Variants in TMEM87B observed in about 807,000 individuals in gnomAD.
TMEM87B encodes transmembrane protein 87B.
In TMEM87B, 83 loss-of-function variants were observed where a neutral mutation model predicts 80.3. That is an observed-to-expected ratio of 1.03 (90% CI 0.87 to 1.24). TMEM87B has a LOEUF of 1.24. Ranked by LOEUF, TMEM87B falls within the 50% of genes most tolerant of loss-of-function variation. TMEM87B has a pLI of 0.00. For synonymous variants in TMEM87B, 219 were observed against 230.5 expected (o/e 0.95, Z 0.45); for missense variants, 625 against 674.4 (o/e 0.93, Z 0.81).
intron 2 of TMEM87B, among the ~76,000 whole-genome samples, 178 bp downstream of exon 2, chr2:112,060,215 G>C (rs1678206026): frequency 1.3e-5 from 2 of 152,022 alleles, no homozygotes; most frequent in South Asian, 2.1e-4. Context: ...TGGGCATGGT[G>C]GTGGGCACCT....
In TMEM87B at chr2:112,116,725, C is replaced by G. The variant is rs1573735631; in HGVS notation, c.*582C>G. On this transcript the variant is annotated 3_prime_UTR_variant, in exon 19 of 19. Coordinates refer to ENST00000283206, the MANE Select transcript of TMEM87B (RefSeq NM_032824.3). ...ACCCACCCTTTTTAAAAAATCTATA[C>G]AAAGCCCTTGTTTGAGTCTCATCAT... The G allele has an allele frequency of 8.3e-6, 1 of 119,994 alleles. No individual in the cohort carries two copies. Among genetic ancestry groups the G allele is most frequent in the South Asian group, 2.9e-4 (1 of 3,508 alleles). 7.4% of individuals were successfully genotyped at this position (119,994 alleles called of 1,614,324 possible). A position where few individuals can be genotyped will look rare whatever the true frequency, so the allele number is the denominator to read the frequency against.
chr2:112,067,136 T>G, intron 4 of TMEM87B, 69 bp downstream of exon 4: 1 of 1,554,674 alleles, frequency 6.4e-7, no homozygotes, highest in South Asian at 1.2e-5. Context: ...ACTGAAGTAA[T>G]GTTTTATCGG....
chr2:112,113,461 G>A (rs1679976070), intron 18 of TMEM87B, among the ~76,000 whole-genome samples: 1 of 152,206 alleles, frequency 6.6e-6, no homozygotes, highest in Non-Finnish European at 1.5e-5. Flanking sequence ...TGGTAGCTAA[G>A]TTGTAACTTG....
At chr2:112,110,344 AT>A (rs1679878345) in intron 17 of TMEM87B, among the ~76,000 whole-genome samples, 1 of 151,858 alleles carries the variant, frequency 6.6e-6, no homozygotes, top group African/African-American at 2.4e-5. Context: ...ATTATGATTG[AT>A]TCTTTGAATT....
At chr2:112,069,198 C>CAAAA (rs1280554360) in intron 4 of TMEM87B, among the ~76,000 whole-genome samples, 59 of 62,222 alleles carry the variant, frequency 9.5e-4, no homozygotes, top group South Asian at 1.9e-3. Context: ...GACTCCGTCT[C>CAAAA]AAAAAAAAAA....
At chr2:112,073,901 A>C (rs1331527732) in intron 4 of TMEM87B, among the ~76,000 whole-genome samples, 1 of 152,156 alleles carries the variant, frequency 6.6e-6, no homozygotes, top group African/African-American at 2.4e-5. Context: ...TTTGTCTGAA[A>C]TTAGGCCTGC....
chr2:112,056,212 G>A (rs1573671806), intron 1 of TMEM87B, among the ~76,000 whole-genome samples: 1 of 151,958 alleles, frequency 6.6e-6, no homozygotes, highest in Admixed American at 6.6e-5. Context: ...TAGAAAGCGG[G>A]TCTGCCGCTT....
At chr2:112,074,162 A>G (rs1288957219) in intron 4 of TMEM87B, among the ~76,000 whole-genome samples, 1 of 152,092 alleles carries the variant, frequency 6.6e-6, no homozygotes, top group African/African-American at 2.4e-5. Flanking sequence ...GCTACTTCCT[A>G]GTGTCACTGG....
Position 112,097,068 on chromosome 2 carries a change from A to G in TMEM87B, c.1129A>G (p.Met377Val), listed in dbSNP as rs1558845990. Reference sequence around the variant, plus strand: ...CATTTTTATTAGTTTGGCACAAACTATGAAGACCCTAAGGCTAAGAAAGAA... The same window carrying G: ...CATTTTTATTAGTTTGGCACAAACTGTGAAGACCCTAAGGCTAAGAAAGAA... ...WFIFISLAQT[M>V]KTLRLRKNTV... The change falls in exon 12 of 19, where the codon ATG becomes GTG. Residue 377 changes from methionine (M) to valine (V), a missense_variant. By Grantham distance (21) the Met-to-Val change is conservative (BLOSUM62 1). Transcript: ENST00000283206. The G allele has an allele frequency of 3.1e-6, 5 of 1,600,262 alleles. No individual in the cohort carries two copies. The highest frequency in any genetic ancestry group is 4.5e-5 in the East Asian group (2 of 44,662).
chr2:112,107,908 C>T, intron 17 of TMEM87B, 68 bp downstream of exon 17: 2 of 1,113,278 alleles, frequency 1.8e-6, no homozygotes, highest in Non-Finnish European at 2.6e-6. Flanking sequence ...TCGTTCTCAT[C>T]CTTTGTCATG....
At chr2:112,075,138 G>T (rs1201456473) in intron 5 of TMEM87B, among the ~76,000 whole-genome samples, 176 bp downstream of exon 5, 2 of 152,196 alleles carry the variant, frequency 1.3e-5, no homozygotes, top group Non-Finnish European at 2.9e-5. Flanking sequence ...AGTGGCTCCT[G>T]CTTGCAATCC....
Position 112,060,001 on chromosome 2 carries a change from A to T in TMEM87B, c.190A>T (p.Lys64Ter). Residue 64 changes from lysine to a stop codon, truncating the protein, a stop_gained, in exon 2 of 19, where the codon AAA becomes TAA. Coordinates refer to ENST00000283206, the MANE Select transcript of TMEM87B (RefSeq NM_032824.3). LOFTEE classifies it high-confidence loss of function. Reference protein sequence around the residue: ...NDKSGPLIFRKTMFNSTDIKL... With the variant: ...NDKSGPLIFR ...GAAATCAGGACCTTTGATATTTAGGAAAACTATGTTTAACTCTACAGATAT... is the reference window on the plus strand; with the variant it reads ...GAAATCAGGACCTTTGATATTTAGGTAAACTATGTTTAACTCTACAGATAT... 1 of 1,594,252 alleles carries T rather than the reference A, an allele frequency of 6.3e-7. No individual in the cohort carries two copies. Among genetic ancestry groups the T allele is most frequent in the Non-Finnish European group, 8.6e-7 (1 of 1,167,140 alleles).
In TMEM87B at chr2:112,081,341, A is replaced by T. The variant is rs898030301; in HGVS notation, c.661A>T (p.Met221Leu). Residue 221 changes from methionine (M) to leucine (L), a missense_variant, in exon 8 of 19, where the codon ATG becomes TTG. Physicochemically the swap from Met to Leu is conservative, Grantham distance 15. Transcript: ENST00000283206. The stretch of plus-strand genomic sequence containing the variant: ...ATTGCTTCTCTTCCTACAGTTTTAC[A>T]TGGTGATGTGTATTGTTTATATATT... ...ASDWPLMIFY[M>L]VMCIVYILYG... 1 of 1,593,796 alleles carries T rather than the reference A, an allele frequency of 6.3e-7. No individual in the cohort carries two copies. Among genetic ancestry groups the T allele is most frequent in the Non-Finnish European group, 8.5e-7 (1 of 1,173,302 alleles).
intron 8 of TMEM87B, among the ~76,000 whole-genome samples, chr2:112,085,505 C>T (rs555133559): frequency 9.2e-5 from 14 of 152,322 alleles, no homozygotes; most frequent in Admixed American, 2.6e-4. Flanking sequence ...ACCTCTTGCT[C>T]TTACCACACT....
chr2:112,070,612 G>GCCT (rs1039775680), intron 4 of TMEM87B, among the ~76,000 whole-genome samples: 7 of 152,140 alleles, frequency 4.6e-5, no homozygotes, highest in African/African-American at 1.7e-4. Flanking sequence ...GTAGCATGAT[G>GCCT]CCTCCAGCTT....
At chr2:112,098,546 A>G (rs1558846880) in intron 13 of TMEM87B, 49 bp from the exon 14 acceptor site, 2 of 1,559,312 alleles carry the variant, frequency 1.3e-6, no homozygotes, top group East Asian at 4.5e-5. Flanking sequence ...GGAAACCTAT[A>G]TGCTTATCAG....
At chr2:112,084,787 T>C (rs1226340192) in intron 8 of TMEM87B, among the ~76,000 whole-genome samples, 2 of 152,260 alleles carry the variant, frequency 1.3e-5, no homozygotes, top group African/African-American at 4.8e-5. Flanking sequence ...TTTTCTGGAA[T>C]AGTCTCCTGA....
At chr2:112,063,299 G>C (rs978591725) in intron 2 of TMEM87B, among the ~76,000 whole-genome samples, 4 of 152,250 alleles carry the variant, frequency 2.6e-5, no homozygotes, top group Non-Finnish European at 5.9e-5. Context: ...CAGCTGCCAT[G>C]TCGTGAGGAC....
At chr2:112,085,407 C>G (rs913153668) in intron 8 of TMEM87B, among the ~76,000 whole-genome samples, 3 of 152,116 alleles carry the variant, frequency 2.0e-5, no homozygotes, top group African/African-American at 7.2e-5. Flanking sequence ...TTAGATGTCA[C>G]TTTTTCTGAG....
Sources: allele counts gnomAD v4.1 joint callset (sites outside exome capture counted in the v4.1 genomes callset), GRCh38; gene constraint gnomAD v4.1.1; transcripts MANE v1.5; gene names NCBI Gene and HGNC (gene_info 2026-07-23, HGNC 2026-07-21).